Variants in APH1B observed in about 807,000 individuals in gnomAD.
The protein encoded by APH1B is gamma-secretase subunit APH-1B.
APH1B carries 27 observed loss-of-function variants against 28.2 expected under a neutral mutation model. The ratio of observed to expected loss-of-function variants is 0.96; its 90% confidence interval spans 0.70 to 1.32. APH1B has a LOEUF of 1.32. Ranked by LOEUF, APH1B falls within the 40% of genes most tolerant of loss-of-function variation. The probability of loss-of-function intolerance (pLI) is 0.00; values close to 1 mark genes in which losing one functional copy is unlikely to be tolerated. For missense variants in APH1B, 305 were observed against 313.6 expected, an observed-to-expected ratio of 0.97 and a Z score of 0.21; for synonymous variants, 141 against 124.6, an observed-to-expected ratio of 1.13 and a Z score of -0.88.
Position 63,280,077 on chromosome 15 carries a change from C to T in APH1B, c.284+746C>T, listed in dbSNP as rs1003314806. On this transcript the variant is annotated intron_variant, in intron 2 of 5. Transcript: ENST00000261879. ...CCTCCCAAAGTGTTAGGATTACAGG[C>T]CTGAGCCACCACACCCGGCCAAGAT... Among the ~76,000 whole-genome samples, 10 of 152,182 alleles carry T rather than the reference C, an allele frequency of 6.6e-5. No homozygotes were observed. In the East Asian group the frequency reaches 1.7e-3, roughly 26 times the overall value.
At chr15:63,301,742 A>G (rs1320405953) in intron 4 of APH1B, among the ~76,000 whole-genome samples, 19 of 151,226 alleles carry the variant, frequency 1.3e-4, no homozygotes, top group Admixed American at 1.2e-3. Flanking sequence ...CCTCCCGAAT[A>G]GTTGGGATTA....
chr15:63,300,879 G>A (rs2038619912), intron 4 of APH1B, among the ~76,000 whole-genome samples: 1 of 152,126 alleles, frequency 6.6e-6, no homozygotes, highest in Non-Finnish European at 1.5e-5. Flanking sequence ...TTATATCGTA[G>A]ACCATATAGT....
chr15:63,283,957 A>G (rs2038417529), intron 2 of APH1B, among the ~76,000 whole-genome samples: 2 of 152,060 alleles, frequency 1.3e-5, no homozygotes, highest in South Asian at 2.1e-4. Context: ...CTCTTTCCTC[A>G]TTGAATCATC....
intron 1 of APH1B, chr15:63,278,489 A>G (rs1340227580): frequency 2.7e-6 from 1 of 373,822 alleles, no homozygotes; most frequent in Non-Finnish European, 5.3e-6. Context: ...GCGTTTCTTC[A>G]CCTCCCACAA....
chr15:63,278,495 C>T, intron 1 of APH1B: 1 of 377,056 alleles, frequency 2.7e-6, no homozygotes. Context: ...CTTCACCTCC[C>T]ACAAACGTAT....
chr15:63,286,651 C>T (rs775632060), intron 3 of APH1B, 23 bp downstream of exon 3: 2 of 1,570,660 alleles, frequency 1.3e-6, no homozygotes, highest in Admixed American at 4.1e-5. Flanking sequence ...CACATGGTTT[C>T]ATTAAGGAAA....
intron 4 of APH1B, among the ~76,000 whole-genome samples, chr15:63,288,615 C>T (rs1383715927): frequency 1.3e-5 from 2 of 152,166 alleles, no homozygotes; most frequent in Non-Finnish European, 2.9e-5. Context: ...CTTTTCAGGG[C>T]CTAGAGGAGA....
chr15:63,303,730 C>T (rs770255050), intron 5 of APH1B, among the ~76,000 whole-genome samples: 9 of 152,218 alleles, frequency 5.9e-5, no homozygotes, highest in Non-Finnish European at 1.2e-4. Flanking sequence ...TGGGCTCAAG[C>T]GATCCTCCTC....
intron 2 of APH1B, among the ~76,000 whole-genome samples, chr15:63,284,123 C>CT (rs1343358447): frequency 6.6e-6 from 1 of 150,692 alleles, no homozygotes; most frequent in African/African-American, 2.4e-5. Flanking sequence ...AAGTGTAAGT[C>CT]TTTTAACTTT....
rs570490099 is a variant in APH1B at position 63,306,871 on chromosome 15, C to T, written c.*1090C>T. ...TAAACTGCCAAATCTCACACTATTG[C>T]ATAATCCATATGCTCTTTAGATCTA... On this transcript the variant is annotated 3_prime_UTR_variant, in exon 6 of 6. Transcript: ENST00000261879. The T allele has an allele frequency of 2.6e-5, 4 of 152,366 alleles. No individual in the cohort carries two copies. The highest frequency in any genetic ancestry group is 9.6e-5 in the African/African-American group (4 of 41,598). 9.4% of individuals were successfully genotyped at this position (152,366 alleles called of 1,614,324 possible).
At chr15:63,292,706 A>G (rs2038518262) in intron 4 of APH1B, among the ~76,000 whole-genome samples, 1 of 152,074 alleles carries the variant, frequency 6.6e-6, no homozygotes, top group Admixed American at 6.6e-5. Flanking sequence ...TCTTTATATC[A>G]ATAGTGTAAG....
intron 4 of APH1B, 91 bp from the exon 5 acceptor site, chr15:63,302,251 TGTG>T: frequency 6.9e-7 from 1 of 1,446,710 alleles, no homozygotes; most frequent in South Asian, 1.4e-5. Context: ...CTTGCTGAGG[TGTG>T]GTGGACACCC....
At position 63,302,483 on chromosome 15, in the gene APH1B, C is replaced by G. The variant is rs1273887179; in HGVS notation, c.606+11C>G. ...CTGGTGTCAGCCCAGGTGAGTGTTGCCGCCATGCTCAGACTGTATTCTGGA... is the reference window on the plus strand; with the variant it reads ...CTGGTGTCAGCCCAGGTGAGTGTTGGCGCCATGCTCAGACTGTATTCTGGA... On this transcript the variant is annotated intron_variant, in intron 5 of 5. Transcript: ENST00000261879. 1 of 1,611,600 alleles carries G rather than the reference C, an allele frequency of 6.2e-7. No homozygotes were observed. Among genetic ancestry groups the G allele is most frequent in the South Asian group, 1.1e-5 (1 of 90,636 alleles).
In APH1B at chr15:63,297,724, A is replaced by T. The variant is rs2038582161; in HGVS notation, c.479-4621A>T. On this transcript the variant is annotated intron_variant, in intron 4 of 5. Transcript: ENST00000261879. ...CCTTTTACTAATGAGAAGGGTTTAA[A>T]TAGGATGTATGTAGCTGTAGCCACG... is the stretch of plus-strand genomic sequence containing the variant. 3.3e-5 allele frequency among the ~76,000 whole-genome samples: 5 copies of T among 152,188 alleles called. No individual in the cohort carries two copies. In the South Asian group the frequency reaches 1.0e-3, roughly 31 times the overall value.
At chr15:63,286,908 G>T (rs1011590487) in intron 3 of APH1B, among the ~76,000 whole-genome samples, 1 of 152,174 alleles carries the variant, frequency 6.6e-6, no homozygotes, top group Non-Finnish European at 1.5e-5. Flanking sequence ...TCTAGATGAT[G>T]AAACTGTTAC....
At chr15:63,293,201 G>A (rs567439569) in intron 4 of APH1B, among the ~76,000 whole-genome samples, 1 of 150,222 alleles carries the variant, frequency 6.7e-6, no homozygotes, top group South Asian at 2.1e-4. Context: ...GTCTTACTCT[G>A]TTGCCCAGGC....
In APH1B at chr15:63,279,340, A is replaced by G; in HGVS notation, c.284+9A>G. ...TATTATAAACTCTTAAAGTAAGTTA[A>G]ATACCTGCCTTACCTTTTTTTTCCC... On this transcript the variant is annotated intron_variant, in intron 2 of 5. Transcript: ENST00000261879. The G allele has an allele frequency of 6.3e-7, 1 of 1,582,016 alleles. No homozygotes were observed. The highest frequency in any genetic ancestry group is 8.6e-7 in the Non-Finnish European group (1 of 1,157,686).
At chr15:63,292,679 C>T (rs887229782) in intron 4 of APH1B, among the ~76,000 whole-genome samples, 1 of 152,236 alleles carries the variant, frequency 6.6e-6, no homozygotes, top group Non-Finnish European at 1.5e-5. Context: ...GTGTGAGCCA[C>T]CACGCCTGGC....
At chr15:63,302,226 G>A (rs188886496) in intron 4 of APH1B, 119 bp from the exon 5 acceptor site, 604 of 1,223,070 alleles carry the variant, frequency 4.9e-4, no homozygotes, top group Non-Finnish European at 6.2e-4. Context: ...TTTCTGTCAG[G>A]TGGTGTTAAA....
Sources: gnomAD v4.1 joint callset for allele counts (sites outside exome capture counted in the v4.1 genomes callset) on GRCh38, gnomAD v4.1.1 for gene constraint, MANE v1.5 for transcripts, NCBI Gene and HGNC (gene_info 2026-07-23, HGNC 2026-07-21) for gene names.